The following SHLD2 variants were observed in gnomAD, a reference collection of about 807,000 sequenced individuals.
SHLD2 encodes shieldin complex subunit 2, also known as RINN1-REV7-interacting novel NHEJ regulator 2.
A neutral mutation model predicts 73.2 loss-of-function variants in SHLD2; 30 were observed. The observed-to-expected ratio is 0.41, with a 90% CI of 0.31 to 0.56. The LOEUF (loss-of-function observed/expected upper bound fraction) is 0.56. Ranked by LOEUF, SHLD2 falls within the 20% of genes least tolerant of loss-of-function variation. The probability of loss-of-function intolerance (pLI) is 0.28; values close to 1 mark genes in which losing one functional copy is unlikely to be tolerated. For synonymous variants in SHLD2, 285 were observed against 370.1 expected, an observed-to-expected ratio of 0.77 and a Z score of 2.64; for missense variants, 745 against 1,055.9, an observed-to-expected ratio of 0.71 and a Z score of 4.08.
At chr10:87,127,697 T>G (rs1208164931) in intron 2 of SHLD2, among the ~76,000 whole-genome samples, 1 of 151,238 alleles carries the variant, frequency 6.6e-6, no homozygotes, top group African/African-American at 2.4e-5. Flanking sequence ...GGATCTCAGT[T>G]ATTAGAAAAA....
intron 2 of SHLD2, among the ~76,000 whole-genome samples, chr10:87,107,044 A>G (rs1486923150): frequency 4.0e-5 from 6 of 151,100 alleles, no homozygotes; most frequent in Admixed American, 6.7e-5. Context: ...CTAGTGAAGC[A>G]CAGAGAGACT....
chr10:87,120,265 T>TTTTTTA, intron 2 of SHLD2, among the ~76,000 whole-genome samples: 2 of 151,964 alleles, frequency 1.3e-5, no homozygotes, highest in African/African-American at 2.4e-5. Flanking sequence ...TTTATTTTTT[T>TTTTTTA]GAGACAGAGT....
chr10:87,135,779 A>G (rs1241791581), intron 2 of SHLD2, among the ~76,000 whole-genome samples: 1 of 151,504 alleles, frequency 6.6e-6, no homozygotes, highest in East Asian at 1.9e-4. Flanking sequence ...GGGACTACAG[A>G]CATGTGCCAC....
chr10:87,148,168 A>G (rs958392649), intron 2 of SHLD2, among the ~76,000 whole-genome samples: 2 of 152,062 alleles, frequency 1.3e-5, no homozygotes, highest in African/African-American at 4.8e-5. Flanking sequence ...ACTTTTTATA[A>G]TTGTCAGTTT....
chr10:87,139,816 CTT>C (rs1378182388), intron 2 of SHLD2, among the ~76,000 whole-genome samples: 2 of 151,938 alleles, frequency 1.3e-5, no homozygotes, highest in Non-Finnish European at 2.9e-5. Context: ...CAGAGTGAGA[CTT>C]TGTCTCAAAA....
intron 2 of SHLD2, among the ~76,000 whole-genome samples, chr10:87,148,204 C>T (rs1427483383): frequency 1.3e-5 from 2 of 152,170 alleles, no homozygotes; most frequent in Admixed American, 6.5e-5. Flanking sequence ...AATTAAGCTC[C>T]TTAAAGCTCT....
At chr10:87,101,566 T>G (rs1056640213) in intron 2 of SHLD2, among the ~76,000 whole-genome samples, 83 of 152,344 alleles carry the variant, frequency 5.4e-4, no homozygotes, top group African/African-American at 1.8e-3. Flanking sequence ...TGGCTCAGAA[T>G]GGTTTTCTTA....
rs2134469914 is a variant in SHLD2 at position 87,164,415 on chromosome 10, G to T, written c.1634-6063G>T. ...CCATAGCTGTGCACTACCACGCCTGGCTAATTTTTGTATTTCTTGTAGAGA... is the reference window on the plus strand; with the variant it reads ...CCATAGCTGTGCACTACCACGCCTGTCTAATTTTTGTATTTCTTGTAGAGA... On this transcript the variant is annotated intron_variant, in intron 4 of 9. Coordinates refer to ENST00000298786, the MANE Select transcript of SHLD2 (RefSeq NM_001330112.2). Among the ~76,000 whole-genome samples, 3 of 152,062 alleles carry T rather than the reference G, an allele frequency of 2.0e-5. No individual in the cohort carries two copies. The South Asian group carries it at 6.2e-4, about 32-fold the overall frequency.
intron 2 of SHLD2, among the ~76,000 whole-genome samples, chr10:87,125,035 G>A (rs952988483): frequency 6.6e-6 from 1 of 152,174 alleles, no homozygotes; most frequent in Non-Finnish European, 1.5e-5. Context: ...GAGCCACCAT[G>A]CCTGTCCTAT....
chr10:87,156,626 C>G (rs1372876177), intron 3 of SHLD2, among the ~76,000 whole-genome samples: 4 of 152,136 alleles, frequency 2.6e-5, no homozygotes, highest in South Asian at 2.1e-4. Flanking sequence ...GAGGCCAGGG[C>G]GGGCTACCCA....
At chr10:87,113,541 G>C (rs2134020201) in intron 2 of SHLD2, among the ~76,000 whole-genome samples, 1 of 152,264 alleles carries the variant, frequency 6.6e-6, no homozygotes, top group East Asian at 1.9e-4. Flanking sequence ...AGAGATAAAT[G>C]GTTTCTAGGA....
chr10:87,147,096 A>G (rs1413062228), intron 2 of SHLD2, among the ~76,000 whole-genome samples: 3 of 150,408 alleles, frequency 2.0e-5, no homozygotes, highest in Non-Finnish European at 4.4e-5. Context: ...AAACAAAAAA[A>G]CCTTGTGTTT....
At position 87,096,924 on chromosome 10, in the gene SHLD2, T is replaced by C. The variant is rs1841939711; in HGVS notation, c.-61-10T>C. On this transcript the variant is annotated splice_polypyrimidine_tract_variant and intron_variant, in intron 1 of 9. Transcript: ENST00000298786. ...ATTGTCATTAATTGTATTTGCACTG[T>C]GTTTTTCAGTGAAAAATGTACTCTG... is the stretch of plus-strand genomic sequence containing the variant. 6.6e-6 allele frequency: 1 copy of C among 152,218 alleles called. No individual in the cohort carries two copies. Among genetic ancestry groups the C allele is most frequent in the Non-Finnish European group, 1.5e-5 (1 of 68,030 alleles). The allele number at this position is 152,218 out of a possible 1,614,324, so 9.4% of individuals were successfully genotyped here. A position where few individuals can be genotyped will look rare whatever the true frequency, so the allele number is the denominator to read the frequency against.
intron 4 of SHLD2, among the ~76,000 whole-genome samples, chr10:87,168,896 C>T (rs1334766881): frequency 1.3e-5 from 2 of 151,878 alleles, no homozygotes; most frequent in Non-Finnish European, 2.9e-5. Context: ...CAGACCTGCA[C>T]ATGTACACCC....
intron 2 of SHLD2, among the ~76,000 whole-genome samples, chr10:87,110,847 A>T (rs1842874144): frequency 2.0e-5 from 3 of 146,502 alleles, no homozygotes; most frequent in Admixed American, 6.9e-5. Context: ...ATTAAAATTA[A>T]TTTTTTTTTT....
intron 2 of SHLD2, among the ~76,000 whole-genome samples, chr10:87,102,314 G>A (rs1046622384): frequency 1.3e-5 from 2 of 151,622 alleles, no homozygotes; most frequent in Admixed American, 6.7e-5. Flanking sequence ...TGCTAATTTT[G>A]TTTTGTTTTC....
At chr10:87,150,232 T>A (rs1845917032) in intron 2 of SHLD2, among the ~76,000 whole-genome samples, 1 of 151,702 alleles carries the variant, frequency 6.6e-6, no homozygotes, top group Non-Finnish European at 1.5e-5. Flanking sequence ...AGCTGGCTAA[T>A]TTTTGTATTT....
intron 2 of SHLD2, among the ~76,000 whole-genome samples, chr10:87,107,169 T>G (rs1396053996): frequency 6.6e-6 from 1 of 151,014 alleles, no homozygotes; most frequent in Non-Finnish European, 1.5e-5. Flanking sequence ...TCCCAGCACT[T>G]TGGGAGGCTG....
At chr10:87,119,161 G>T (rs1272388063) in intron 2 of SHLD2, among the ~76,000 whole-genome samples, 1 of 149,436 alleles carries the variant, frequency 6.7e-6, no homozygotes, top group Non-Finnish European at 1.5e-5. Context: ...TACATTTCTG[G>T]TAAAGTGATG....
Sources: gnomAD v4.1 joint callset for allele counts (sites outside exome capture counted in the v4.1 genomes callset) on GRCh38, gnomAD v4.1.1 for gene constraint, MANE v1.5 for transcripts, NCBI Gene and HGNC (gene_info 2026-07-23, HGNC 2026-07-21) for gene names.